KRT8: variants seen among roughly 807,000 people sequenced by gnomAD.
The protein encoded by KRT8 is keratin, type II cytoskeletal 8.
KRT8 carries 24 observed loss-of-function variants against 43.0 expected under a neutral mutation model. The ratio of observed to expected loss-of-function variants is 0.56; its 90% CI spans 0.40 to 0.78. KRT8 has a LOEUF of 0.78. Ranked by LOEUF, KRT8 falls within the 30% of genes least tolerant of loss-of-function variation. KRT8 has a pLI of 0.00. For synonymous variants in KRT8, 214 were observed against 261.2 expected (o/e 0.82, Z 1.74); for missense variants, 492 against 638.4 (o/e 0.77, Z 2.47).
At chr12:52,906,122 A>G (rs1316535602), upstream of KRT8, among the ~76,000 whole-genome samples, 1 of 152,154 alleles carries the variant, frequency 6.6e-6, no homozygotes, top group East Asian at 1.9e-4. Flanking sequence ...ACTTTTCCTG[A>G]ACATAACCCA....
At chr12:52,918,498 C>T (rs115066522) in intron 2 of KRT8, among the ~76,000 whole-genome samples, 77 of 152,324 alleles carry the variant, frequency 5.1e-4, no homozygotes, top group African/African-American at 1.8e-3. Context: ...CAGACAGACG[C>T]CGCGCAGGTG....
At chr12:52,918,073 A>AGAGGAGGAG (rs372632283) in intron 2 of KRT8, among the ~76,000 whole-genome samples, 1 of 41,878 alleles carries the variant, frequency 2.4e-5, no homozygotes, top group Non-Finnish European at 4.3e-5. Context: ...GAGAAGAAGA[A>AGAGGAGGAG]GAGGAGGAGG....
rs572545660 is a variant in KRT8, at chr12:52,936,354, T to C, written c.-47+13102A>G. 2.0e-5 allele frequency among the ~76,000 whole-genome samples: 3 copies of C among 152,314 alleles called. No individual in the cohort carries two copies. The South Asian group carries it at 6.2e-4, about 32-fold the overall frequency. On this transcript the variant is annotated intron_variant, in intron 2 of 6. Transcript: ENST00000546826. ...ATAGCTCATGGCAGCCTGGATCTTC[T>C]GGGCTCAAGTAATCCCCCTGCCTCA...
chr12:52,902,416 C>T (rs1019957814), intron 1 of KRT8, among the ~76,000 whole-genome samples: 9 of 152,126 alleles, frequency 5.9e-5, no homozygotes, highest in South Asian at 4.1e-4. Flanking sequence ...GAGTCTCCGG[C>T]GCCCAGGCTG....
At chr12:52,912,005 G>A (rs1941645910), upstream of KRT8, among the ~76,000 whole-genome samples, 1 of 152,194 alleles carries the variant, frequency 6.6e-6, no homozygotes, top group Non-Finnish European at 1.5e-5. Flanking sequence ...CTCCAGTCTG[G>A]GTGACAGAGT....
chr12:52,945,727 T>C (rs983954695), intron 2 of KRT8, among the ~76,000 whole-genome samples: 7 of 152,104 alleles, frequency 4.6e-5, no homozygotes, highest in Non-Finnish European at 1.0e-4. Context: ...TGATGGTGGG[T>C]GGAGAACCAT....
At chr12:52,927,890 C>G (rs1435153754) in intron 2 of KRT8, among the ~76,000 whole-genome samples, 1 of 152,136 alleles carries the variant, frequency 6.6e-6, no homozygotes, top group Non-Finnish European at 1.5e-5. Context: ...ATCAGCCTGG[C>G]CAACATGGTG....
At chr12:52,904,102 T>C (rs1297733693) in intron 1 of KRT8, among the ~76,000 whole-genome samples, 1 of 151,140 alleles carries the variant, frequency 6.6e-6, no homozygotes, top group Non-Finnish European at 1.5e-5. Flanking sequence ...TCTCCTAGAA[T>C]GCTAGAATCA....
intron 2 of KRT8, among the ~76,000 whole-genome samples, chr12:52,925,239 A>T (rs1056970945): frequency 6.6e-6 from 1 of 152,048 alleles, no homozygotes; most frequent in Non-Finnish European, 1.5e-5. Flanking sequence ...CAGCTGGAGG[A>T]GGTGTGTATG....
intron 2 of KRT8, among the ~76,000 whole-genome samples, chr12:52,928,703 G>C (rs948286359): frequency 5.9e-5 from 9 of 152,074 alleles, no homozygotes; most frequent in Non-Finnish European, 1.3e-4. Flanking sequence ...TCAGGAGTTC[G>C]AGACCAGCCT....
At chr12:52,917,752 G>T (rs1250667325) in intron 2 of KRT8, among the ~76,000 whole-genome samples, 1 of 151,254 alleles carries the variant, frequency 6.6e-6, no homozygotes, top group Non-Finnish European at 1.5e-5. Flanking sequence ...TGTGGCAGGT[G>T]CCTGTAGTCC....
chr12:52,940,787 C>T (rs574440275), intron 2 of KRT8, among the ~76,000 whole-genome samples: 1 of 151,316 alleles, frequency 6.6e-6, no homozygotes, highest in African/African-American at 2.4e-5. Context: ...CCCCATGCCC[C>T]GCTAATTTTT....
At position 52,932,977 on chromosome 12, in the gene KRT8, C is replaced by G. The variant is rs530735574; in HGVS notation, c.-47+16479G>C. Reference sequence around the variant, plus strand: ...TTTTATTTTAGAGATGAAGTCTTGCCCTGTCACCCAGGCTGGAGTGCAGTG... The same window carrying G: ...TTTTATTTTAGAGATGAAGTCTTGCGCTGTCACCCAGGCTGGAGTGCAGTG... On this transcript the variant is annotated intron_variant, in intron 2 of 6. Transcript: ENST00000546826. Among the ~76,000 whole-genome samples the G allele has an allele frequency of 1.1e-3, 171 of 152,042 alleles. 1 individual carries two copies. Among genetic ancestry groups the G allele is most frequent in the African/African-American group, 4.0e-3 (165 of 41,472 alleles).
upstream of KRT8, among the ~76,000 whole-genome samples, chr12:52,910,890 G>A (rs1230828865): frequency 6.6e-6 from 1 of 152,192 alleles, no homozygotes; most frequent in African/African-American, 2.4e-5. Flanking sequence ...ACAGGGACTA[G>A]AGGCCTTTAT....
upstream of KRT8, among the ~76,000 whole-genome samples, chr12:52,910,922 C>T (rs1040808795): frequency 2.6e-5 from 4 of 152,198 alleles, no homozygotes; most frequent in African/African-American, 9.7e-5. Flanking sequence ...TTCACCTTTT[C>T]ATTTATCCAC....
intron 2 of KRT8, among the ~76,000 whole-genome samples, chr12:52,946,218 A>G (rs1213851911): frequency 6.6e-6 from 1 of 152,136 alleles, no homozygotes; most frequent in Non-Finnish European, 1.5e-5. Flanking sequence ...GCTTGGAGAA[A>G]AATTCTAGAA....
chr12:52,932,338 C>T (rs1428607833), intron 2 of KRT8, among the ~76,000 whole-genome samples: 3 of 151,854 alleles, frequency 2.0e-5, no homozygotes, highest in Admixed American at 6.6e-5. Context: ...CCACCCACCT[C>T]TGCCTGCCAA....
At chr12:52,939,128 A>G (rs1246627723) in intron 2 of KRT8, among the ~76,000 whole-genome samples, 1 of 152,124 alleles carries the variant, frequency 6.6e-6, no homozygotes, top group East Asian at 1.9e-4. Context: ...AAAAGGACAG[A>G]CAGTACAGAG....
chr12:52,948,494 CTTTTTTTTTTT>C (rs375720808), intron 2 of KRT8: 17,911 of 111,086 alleles, frequency 0.16, 1,753 homozygotes, highest in African/African-American at 0.32. Context: ...TTTCTTTTTT[CTTTTTTTTTTT>C]TTTTTTTTTT....
Sources: gnomAD v4.1 joint callset for allele counts (sites outside exome capture counted in the v4.1 genomes callset) on GRCh38, gnomAD v4.1.1 for gene constraint, MANE v1.5 for transcripts, NCBI Gene and HGNC (gene_info 2026-07-23, HGNC 2026-07-21) for gene names.